The following CMSS1 variants were observed in gnomAD, a reference collection of about 807,000 sequenced individuals.
CMSS1 encodes protein CMSS1.
CMSS1 carries 33 observed loss-of-function variants against 43.5 expected under a neutral mutation model. The observed-to-expected ratio is 0.76, with a 90% CI of 0.57 to 1.01. The LOEUF (loss-of-function observed/expected upper bound fraction) is 1.01, where lower values mean the gene tolerates loss of function less well. CMSS1 is among the 50% of genes least tolerant of loss of function. CMSS1 has a pLI of 0.00. For missense variants in CMSS1, 313 were observed against 326.4 expected, an observed-to-expected ratio of 0.96 and a Z score of 0.32; for synonymous variants, 115 against 117.2, an observed-to-expected ratio of 0.98 and a Z score of 0.12.
intron 1 of CMSS1, chr3:100,075,767 C>T (rs765415407): frequency 2.6e-5 from 4 of 152,114 alleles, no homozygotes; most frequent in South Asian, 2.1e-4. Context: ...ATAGTAACAT[C>T]GTTGGACCTG....
chr3:99,907,005 T>A (rs1285001085), intron 1 of CMSS1, among the ~76,000 whole-genome samples: 3 of 152,228 alleles, frequency 2.0e-5, no homozygotes, highest in Non-Finnish European at 2.9e-5. Flanking sequence ...ATTTAAATAA[T>A]GTTTAGATAA....
intron 1 of CMSS1, among the ~76,000 whole-genome samples, chr3:99,988,511 CAAAAAAAAA>C (rs757175318): frequency 1.0e-4 from 5 of 47,896 alleles, no homozygotes; most frequent in African/African-American, 3.4e-4. Context: ...GACTCCATCT[CAAAAAAAAA>C]AAAAAAAAAA....
chr3:99,982,504 C>A (rs1433473495), intron 1 of CMSS1, among the ~76,000 whole-genome samples: 1 of 152,056 alleles, frequency 6.6e-6, no homozygotes, highest in East Asian at 1.9e-4. Context: ...CCACGCCCAG[C>A]TAATTTTTTT....
rs1419816272 is a variant in CMSS1 at position 99,850,752 on chromosome 3, T to C, written c.64+32709T>C. The C allele has an allele frequency of 3.1e-6, 5 of 1,614,214 alleles. No individual in the cohort carries two copies. In the Middle Eastern group the frequency reaches 8.2e-4, roughly 266 times the overall value. On this transcript the variant is annotated intron_variant, in intron 1 of 9. Coordinates refer to ENST00000421999, the MANE Select transcript of CMSS1 (RefSeq NM_032359.4). Reference sequence around the variant, plus strand: ...CCTCATTGGTGAGCTTCGCCATAATTGTGTCTTGGTCTTGGTGAAACTTTG... The same window carrying C: ...CCTCATTGGTGAGCTTCGCCATAATCGTGTCTTGGTCTTGGTGAAACTTTG...
At chr3:100,161,182 T>C (rs560375653) in intron 3 of CMSS1, among the ~76,000 whole-genome samples, 2 of 152,166 alleles carry the variant, frequency 1.3e-5, no homozygotes, top group Non-Finnish European at 2.9e-5. Flanking sequence ...GAAATACGAT[T>C]GGGATTAGAG....
At chr3:100,021,573 A>C (rs924813810) in intron 1 of CMSS1, among the ~76,000 whole-genome samples, 1 of 152,286 alleles carries the variant, frequency 6.6e-6, no homozygotes, top group East Asian at 1.9e-4. Flanking sequence ...CTTGAATTTG[A>C]AGCAAAGTCT....
At chr3:99,892,935 C>T (rs1706131384) in intron 1 of CMSS1, among the ~76,000 whole-genome samples, 1 of 152,082 alleles carries the variant, frequency 6.6e-6, no homozygotes, top group Non-Finnish European at 1.5e-5. Context: ...TTTTTCTTCA[C>T]AAAGAAGATG....
intron 1 of CMSS1, among the ~76,000 whole-genome samples, chr3:99,947,131 C>CT: frequency 1.3e-5 from 1 of 76,428 alleles, no homozygotes. Flanking sequence ...GAGCAAGACT[C>CT]TGTCTCAAAA....
At chr3:99,983,494 A>C (rs866193902) in intron 1 of CMSS1, among the ~76,000 whole-genome samples, 1 of 119,014 alleles carries the variant, frequency 8.4e-6, no homozygotes, top group African/African-American at 3.3e-5. Flanking sequence ...ATATATATAT[A>C]TATATATATA....
intron 1 of CMSS1, among the ~76,000 whole-genome samples, chr3:99,998,865 G>C (rs374270674): frequency 6.6e-6 from 1 of 152,084 alleles, no homozygotes; most frequent in South Asian, 2.1e-4. Context: ...CACCGCGCCC[G>C]GCCATGGTTC....
intron 1 of CMSS1, among the ~76,000 whole-genome samples, chr3:100,104,119 T>C (rs2066355309): frequency 6.6e-6 from 1 of 152,176 alleles, no homozygotes; most frequent in South Asian, 2.1e-4. Flanking sequence ...CTGTGTGTGT[T>C]TGGATTGGAG....
chr3:100,083,727 A>T (rs2065965594), intron 1 of CMSS1, among the ~76,000 whole-genome samples: 1 of 152,136 alleles, frequency 6.6e-6, no homozygotes, highest in Non-Finnish European at 1.5e-5. Flanking sequence ...AATTTTTAAC[A>T]TCACCATTTC....
chr3:99,908,679 C>T (rs1166135620), intron 1 of CMSS1, among the ~76,000 whole-genome samples: 6 of 152,082 alleles, frequency 3.9e-5, no homozygotes, highest in Non-Finnish European at 8.8e-5. Flanking sequence ...ATAATATTAC[C>T]TCCTTTAAAA....
intron 2 of CMSS1, among the ~76,000 whole-genome samples, chr3:100,153,994 G>A (rs188748728): frequency 1.2e-3 from 179 of 152,136 alleles, no homozygotes; most frequent in Non-Finnish European, 1.9e-3. Context: ...GGGATTACAG[G>A]CATCTGCCAT....
intron 1 of CMSS1, chr3:100,023,570 T>C (rs2107237092): frequency 6.5e-6 from 1 of 152,738 alleles, no homozygotes; most frequent in East Asian, 1.9e-4. Context: ...GAGAACATTT[T>C]TGTAAACAGA....
chr3:100,172,304 A>AT lies in CMSS1; in HGVS notation c.580-11dup, dbSNP rs767412596. On this transcript the variant is annotated splice_polypyrimidine_tract_variant and intron_variant, in intron 7 of 9. Transcript: ENST00000421999. ...GACTTCCTTTTCTTTCTTCTCTTTC[A>AT]TCTTGGAACAGGTCCAGGCGCAGGT... The AT allele has an allele frequency of 1.2e-6, 2 of 1,611,746 alleles. No homozygotes were observed. The highest frequency in any genetic ancestry group is 2.7e-5 in the African/African-American group (2 of 74,928).
chr3:99,937,201 G>A (rs771543632), intron 1 of CMSS1, among the ~76,000 whole-genome samples: 53 of 152,032 alleles, frequency 3.5e-4, no homozygotes, highest in Non-Finnish European at 6.8e-4. Flanking sequence ...GCCTCCCAAA[G>A]TGCTGGGATT....
chr3:100,126,112 C>T (rs1215978531), intron 1 of CMSS1, among the ~76,000 whole-genome samples: 2 of 152,190 alleles, frequency 1.3e-5, no homozygotes, highest in Non-Finnish European at 2.9e-5. Flanking sequence ...TGTCACTCTA[C>T]CCATATCCCT....
At chr3:99,907,795 T>C (rs752996360) in intron 1 of CMSS1, among the ~76,000 whole-genome samples, 1 of 152,208 alleles carries the variant, frequency 6.6e-6, no homozygotes, top group Non-Finnish European at 1.5e-5. Flanking sequence ...ACGCTAATGC[T>C]ATCTGGATCC....
Sources: allele counts gnomAD v4.1 joint callset (sites outside exome capture counted in the v4.1 genomes callset), GRCh38; gene constraint gnomAD v4.1.1; transcripts MANE v1.5; gene names NCBI Gene and HGNC (gene_info 2026-07-23, HGNC 2026-07-21).